TIAL1: variants seen among roughly 807,000 people sequenced by gnomAD.
TIAL1 encodes nucleolysin TIAR.
A neutral mutation model predicts 59.7 loss-of-function variants in TIAL1; 7 were observed. That is an observed-to-expected ratio of 0.12 (90% CI 0.07 to 0.22). TIAL1 has a LOEUF of 0.22. Among genes scored for constraint, TIAL1 ranks in the 10% least tolerant of loss-of-function variants. TIAL1 has a pLI of 1.00. For missense variants in TIAL1, 225 were observed against 462.5 expected (o/e 0.49, Z 4.71); for synonymous variants, 149 against 146.3 (o/e 1.02, Z -0.13).
chr10:119,575,595 T>G lies in TIAL1; in HGVS notation c.*70A>C. On this transcript the variant is annotated 3_prime_UTR_variant, in exon 12 of 12. Coordinates refer to ENST00000436547, the MANE Select transcript of TIAL1 (RefSeq NM_003252.4). ...ATATTTTCATTTTCCGATGTCTACT[T>G]TCATGTCTTCAGAGTGTCACAGGAA... is the stretch of plus-strand genomic sequence containing the variant. 6.4e-7 allele frequency: 1 copy of G among 1,571,042 alleles called. No individual in the cohort carries two copies. Among genetic ancestry groups the G allele is most frequent in the Non-Finnish European group, 8.7e-7 (1 of 1,144,016 alleles).
chr10:119,579,845 C>A, intron 6 of TIAL1, 90 bp downstream of exon 6: 1 of 945,696 alleles, frequency 1.1e-6, no homozygotes, highest in Non-Finnish European at 1.5e-6. Flanking sequence ...AGTTAACATT[C>A]AAGTATATTC....
rs60594014 is a variant in TIAL1, at chr10:119,590,762, G to GAGAAAGAAAGAAAGAA, written c.33-2530_33-2515dup. On this transcript the variant is annotated intron_variant, in intron 1 of 11. Transcript: ENST00000436547. Reference sequence around the variant, plus strand: ...AAAGAGAGAGAGACAGAGAGAAAGAGAGAAAGAAAGAAAGAAAGAAAGAAA... The same window carrying GAGAAAGAAAGAAAGAA: ...AAAGAGAGAGAGACAGAGAGAAAGAGAGAAAGAAAGAAAGAAAGAAAGAAAGAAAGAAAGAAAGAAA... Among the ~76,000 whole-genome samples the GAGAAAGAAAGAAAGAA allele has an allele frequency of 5.7e-3, 715 of 125,378 alleles. 9 individuals are homozygous for GAGAAAGAAAGAAAGAA. Among genetic ancestry groups the GAGAAAGAAAGAAAGAA allele is most frequent in the East Asian group, 0.016 (69 of 4,356 alleles). The allele number at this position is 125,378 out of a possible 152,430, so 82.3% of individuals were successfully genotyped here. A position where few individuals can be genotyped will look rare whatever the true frequency, so the allele number is the denominator to read the frequency against.
Position 119,596,357 on chromosome 10 carries a change from C to G in TIAL1, c.32+77G>C. On this transcript the variant is annotated intron_variant, in intron 1 of 11. Transcript: ENST00000436547. Reference sequence around the variant, plus strand: ...CCTAGAGTCCCGGCTTCGGCCCAGTCTCTCCTGCTCCCTCCCTTAGCGTCC... The same window carrying G: ...CCTAGAGTCCCGGCTTCGGCCCAGTGTCTCCTGCTCCCTCCCTTAGCGTCC... 5.8e-6 allele frequency: 9 copies of G among 1,559,286 alleles called. No homozygotes were observed. In the South Asian group the frequency reaches 9.1e-5, roughly 16 times the overall value.
chr10:119,575,943 A>C lies in TIAL1; in HGVS notation c.1002-152T>G, dbSNP rs1001340438. ...TAGAAAGATCAAAGAAATAAATGAT[A>C]TATGTGTAGAATACATATTCCAGTA... On this transcript the variant is annotated intron_variant, in intron 11 of 11. Coordinates refer to ENST00000436547, the MANE Select transcript of TIAL1 (RefSeq NM_003252.4). 7 of 759,762 alleles carry C rather than the reference A, an allele frequency of 9.2e-6. No individual in the cohort carries two copies. In the South Asian group the frequency reaches 1.6e-4, roughly 18 times the overall value. 47.1% of individuals were successfully genotyped at this position (759,762 alleles called of 1,614,324 possible). A position where few individuals can be genotyped will look rare whatever the true frequency, so the allele number is the denominator to read the frequency against.
rs548158678 is a variant in TIAL1 at position 119,596,831 on chromosome 10, A to T, written c.-366T>A. On this transcript the variant is annotated 5_prime_UTR_variant, in exon 1 of 12. Coordinates refer to ENST00000436547, the MANE Select transcript of TIAL1 (RefSeq NM_003252.4). ...CCCTGGGACCCGCTCACGACGGATC[A>T]CGTCGTCGCTGTGGGCCTCTGGCCG... 1.2e-3 allele frequency: 321 copies of T among 276,188 alleles called. No homozygotes were observed. The highest frequency in any genetic ancestry group is 1.8e-3 in the Non-Finnish European group (253 of 142,542). 17.1% of individuals were successfully genotyped at this position (276,188 alleles called of 1,614,324 possible).
intron 1 of TIAL1, 98 bp downstream of exon 1, chr10:119,596,336 G>A (rs1271365750): frequency 1.5e-6 from 2 of 1,379,120 alleles, no homozygotes; most frequent in East Asian, 4.7e-5. Flanking sequence ...GAGCCGCCTA[G>A]AGTCCCGGCT....
chr10:119,590,811 A>AGAAG (rs1491153787), intron 1 of TIAL1, among the ~76,000 whole-genome samples: 1 of 147,430 alleles, frequency 6.8e-6, no homozygotes, highest in Non-Finnish European at 1.5e-5. Context: ...AAAGAAAGAA[A>AGAAG]GAAAGAAAGA....
intron 11 of TIAL1, among the ~76,000 whole-genome samples, chr10:119,576,293 T>C (rs1589859280): frequency 6.6e-6 from 1 of 151,802 alleles, no homozygotes; most frequent in East Asian, 1.9e-4. Context: ...CATCAAACTT[T>C]TGAATATATC....
chr10:119,574,052 G>A lies in TIAL1; in HGVS notation c.*1613C>T, dbSNP rs1844835237. ...CGCATCTTACTATGTAACTGTAAAA[G>A]GCTATTTTCTCTTTGGTGCCCAGGC... On this transcript the variant is annotated 3_prime_UTR_variant, in exon 12 of 12. Transcript: ENST00000436547. 1 of 152,544 alleles carries A rather than the reference G, an allele frequency of 6.6e-6. No individual in the cohort carries two copies. Among genetic ancestry groups the A allele is most frequent in the Non-Finnish European group, 1.5e-5 (1 of 68,012 alleles). 9.4% of individuals were successfully genotyped at this position (152,544 alleles called of 1,614,324 possible). A position where few individuals can be genotyped will look rare whatever the true frequency, so the allele number is the denominator to read the frequency against.
intron 2 of TIAL1, among the ~76,000 whole-genome samples, chr10:119,583,844 A>C (rs1430574439): frequency 1.3e-5 from 2 of 152,232 alleles, no homozygotes; most frequent in African/African-American, 2.4e-5. Context: ...TGTTCTTAAG[A>C]GGTAAAGAAA....
At chr10:119,588,784 T>C (rs1845704619) in intron 1 of TIAL1, among the ~76,000 whole-genome samples, 1 of 152,234 alleles carries the variant, frequency 6.6e-6, no homozygotes, top group Non-Finnish European at 1.5e-5. Context: ...GAAAGACATT[T>C]AAAGAACAAA....
Position 119,578,042 on chromosome 10 carries a change from C to T in TIAL1, c.557-306G>A, listed in dbSNP as rs554152423. ...GAGTTCGAGACCAGCCTGACCAACA[C>T]GGTGAAACCCTGTCTCTACTAAAAA... On this transcript the variant is annotated intron_variant, in intron 7 of 11. Coordinates refer to ENST00000436547, the MANE Select transcript of TIAL1 (RefSeq NM_003252.4). Among the ~76,000 whole-genome samples, 8 of 151,910 alleles carry T rather than the reference C, an allele frequency of 5.3e-5. No homozygotes were observed. In the East Asian group the frequency reaches 7.8e-4, roughly 15 times the overall value.
In TIAL1 at chr10:119,582,400, A is replaced by G; in HGVS notation, c.228+59T>C. ...TCAAAAATTTGCCTAGAAAGAATACAAACTAGTTTGACATGCAAATATATG... is the reference window on the plus strand; with the variant it reads ...TCAAAAATTTGCCTAGAAAGAATACGAACTAGTTTGACATGCAAATATATG... On this transcript the variant is annotated intron_variant, in intron 3 of 11. Transcript: ENST00000436547. This position sits in a 1 kb window ranked among gnomAD's most constrained non-coding sequence, Gnocchi z 5.1. The G allele has an allele frequency of 6.5e-7, 1 of 1,530,172 alleles. No individual in the cohort carries two copies. Among genetic ancestry groups the G allele is most frequent in the Non-Finnish European group, 8.7e-7 (1 of 1,145,302 alleles). 94.8% of individuals were successfully genotyped at this position (1,530,172 alleles called of 1,614,324 possible). A position where few individuals can be genotyped will look rare whatever the true frequency, so the allele number is the denominator to read the frequency against.
At chr10:119,588,458 C>T in intron 1 of TIAL1, 1 of 319,266 alleles carries the variant, frequency 3.1e-6, no homozygotes, top group Non-Finnish European at 5.8e-6. Flanking sequence ...ATTTTCCTGT[C>T]TCAGCCTCCC....
At chr10:119,585,009 GC>G (rs1845486660) in intron 2 of TIAL1, among the ~76,000 whole-genome samples, 1 of 151,008 alleles carries the variant, frequency 6.6e-6, no homozygotes, top group African/African-American at 2.4e-5. Flanking sequence ...TGTAGTCCCA[GC>G]TACTTGGGAG....
intron 1 of TIAL1, among the ~76,000 whole-genome samples, chr10:119,590,540 T>C (rs1845796888): frequency 6.6e-6 from 1 of 151,786 alleles, no homozygotes; most frequent in South Asian, 2.1e-4. Context: ...TGAAACCCTG[T>C]CTCCACAAAA....
Position 119,575,441 on chromosome 10 carries a change from G to T in TIAL1, c.*224C>A. ...CTTTATTGACTTTATTTTAGTTTTTGTACATAAAGAAAAATCATGTTCATA... is the reference window on the plus strand; with the variant it reads ...CTTTATTGACTTTATTTTAGTTTTTTTACATAAAGAAAAATCATGTTCATA... On this transcript the variant is annotated 3_prime_UTR_variant, in exon 12 of 12. Transcript: ENST00000436547. 7.3e-6 allele frequency: 3 copies of T among 411,370 alleles called. No homozygotes were observed. Among genetic ancestry groups the T allele is most frequent in the Non-Finnish European group, 1.3e-5 (3 of 235,674 alleles). The allele number at this position is 411,370 out of a possible 1,614,324, so 25.5% of individuals were successfully genotyped here.
rs1005698557 is a variant in TIAL1, at chr10:119,574,066, T to C, written c.*1599A>G. On this transcript the variant is annotated 3_prime_UTR_variant, in exon 12 of 12. Transcript: ENST00000436547. Reference sequence around the variant, plus strand: ...TAACTGTAAAAGGCTATTTTCTCTTTGGTGCCCAGGCCAGCATTTTGAATA... The same window carrying C: ...TAACTGTAAAAGGCTATTTTCTCTTCGGTGCCCAGGCCAGCATTTTGAATA... 1 of 152,672 alleles carries C rather than the reference T, an allele frequency of 6.5e-6. No homozygotes were observed. The highest frequency in any genetic ancestry group is 1.5e-5 in the Non-Finnish European group (1 of 68,038). The allele number at this position is 152,672 out of a possible 1,614,324, so 9.5% of individuals were successfully genotyped here.
rs1845061629 is a variant in TIAL1, at chr10:119,577,524, T to C, written c.664A>G (p.Arg222Gly). 6.2e-7 allele frequency: 1 copy of C among 1,613,752 alleles called. No individual in the cohort carries two copies. The highest frequency in any genetic ancestry group is 8.5e-7 in the Non-Finnish European group (1 of 1,179,872). ...IASGLTDQLM[R>G]QTFSPFGQIM... ...TGTCCAAATGGTGAGAATGTCTGTC[T>C]CATAAGCTGATCTATAAAACAAAAC... The change falls in exon 9 of 12, where the codon AGA becomes GGA. Residue 222 changes from arginine (R) to glycine (G), a missense_variant. Transcript: ENST00000436547.
Sources: gnomAD v4.1 joint callset for allele counts (sites outside exome capture counted in the v4.1 genomes callset) on GRCh38, gnomAD v4.1.1 for gene constraint, Gnocchi (gnomAD v3.1) non-coding constraint, MANE v1.5 for transcripts, NCBI Gene and HGNC (gene_info 2026-07-23, HGNC 2026-07-21) for gene names.